The following SORBS2 variants were observed in gnomAD, a reference collection of about 807,000 sequenced individuals.
SORBS2 encodes sorbin and SH3 domain-containing protein 2.
SORBS2 carries 46 observed loss-of-function variants against 97.7 expected under a neutral mutation model. The ratio of observed to expected loss-of-function variants is 0.47; its 90% confidence interval spans 0.37 to 0.60. The LOEUF (loss-of-function observed/expected upper bound fraction) is 0.60. Ranked by LOEUF, SORBS2 falls within the 20% of genes least tolerant of loss-of-function variation. The probability of loss-of-function intolerance (pLI) is 0.00; values close to 1 mark genes in which losing one functional copy is unlikely to be tolerated. For missense variants in SORBS2, 1,316 were observed against 1,282.3 expected (o/e 1.03, Z -0.40); for synonymous variants, 476 against 473.4 (o/e 1.01, Z -0.07).
chr4:185,849,839 T>G (rs1327069602), intron 1 of SORBS2, among the ~76,000 whole-genome samples: 1 of 152,170 alleles, frequency 6.6e-6, no homozygotes, highest in Non-Finnish European at 1.5e-5. Context: ...CCACTTAATT[T>G]CTATTGAGTC....
chr4:185,905,948 C>T (rs1392315694), intron 1 of SORBS2, among the ~76,000 whole-genome samples: 1 of 152,220 alleles, frequency 6.6e-6, no homozygotes, highest in Non-Finnish European at 1.5e-5. Context: ...CCCTCTGCCT[C>T]CTTCTCATAC....
chr4:185,937,417 C>A (rs2099269469), intron 1 of SORBS2, among the ~76,000 whole-genome samples: 1 of 152,160 alleles, frequency 6.6e-6, no homozygotes, highest in Non-Finnish European at 1.5e-5. Context: ...AGCCATGTAT[C>A]TGAATCCAAG....
At chr4:185,731,864 C>CCA (rs2098639731) in intron 2 of SORBS2, among the ~76,000 whole-genome samples, 1 of 29,006 alleles carries the variant, frequency 3.4e-5, no homozygotes, top group East Asian at 1.1e-3. Flanking sequence ...CTCTCTCTCT[C>CCA]TCTATATATA....
In SORBS2 at chr4:185,792,164, A is replaced by G. The variant is rs919011881; in HGVS notation, c.-337-16798T>C. ...TTTCCTTTGGCCCCATTCTAGATACATCTCCTTATTTTGAAATTTTCATAA... is the reference window on the plus strand; with the variant it reads ...TTTCCTTTGGCCCCATTCTAGATACGTCTCCTTATTTTGAAATTTTCATAA... On this transcript the variant is annotated intron_variant, in intron 1 of 20. Transcript: ENST00000284776. 3.3e-5 allele frequency among the ~76,000 whole-genome samples: 5 copies of G among 152,180 alleles called. No individual in the cohort carries two copies. The East Asian group carries it at 5.8e-4, about 18-fold the overall frequency.
chr4:185,928,825 C>T (rs901371274), intron 1 of SORBS2, among the ~76,000 whole-genome samples: 3 of 152,166 alleles, frequency 2.0e-5, no homozygotes, highest in African/African-American at 7.2e-5. Flanking sequence ...GGATTCCAGG[C>T]GTGAGCCACC....
chr4:185,801,819 G>A (rs1024341225), intron 1 of SORBS2, among the ~76,000 whole-genome samples: 3 of 152,100 alleles, frequency 2.0e-5, no homozygotes. Context: ...CCACTGACTC[G>A]TAACAGGTAA....
intron 2 of SORBS2, among the ~76,000 whole-genome samples, chr4:185,723,854 T>G (rs1055933203): frequency 1.3e-5 from 2 of 152,172 alleles, no homozygotes; most frequent in East Asian, 1.9e-4. Flanking sequence ...GGAACCTCAG[T>G]ATATTAATCC....
At chr4:185,652,824 G>C in intron 1 of SORBS2, 96 bp from the exon 10 acceptor site, 1 of 917,474 alleles carries the variant, frequency 1.1e-6, no homozygotes, top group Non-Finnish European at 1.8e-6. Context: ...CTTAATAACA[G>C]AGTCCCATTC....
intron 2 of SORBS2, among the ~76,000 whole-genome samples, chr4:185,686,486 A>G (rs2153512649): frequency 6.6e-6 from 1 of 152,372 alleles, no homozygotes; most frequent in East Asian, 1.9e-4. Flanking sequence ...ACCCAAAGAA[A>G]GTGACACAAA....
chr4:185,765,670 T>C (rs926820245), intron 2 of SORBS2, among the ~76,000 whole-genome samples: 9 of 152,192 alleles, frequency 5.9e-5, no homozygotes, highest in African/African-American at 2.2e-4. Flanking sequence ...AATTTCCAAA[T>C]ATGAAATACA....
intron 2 of SORBS2, among the ~76,000 whole-genome samples, chr4:185,754,363 G>A (rs937400827): frequency 2.6e-5 from 4 of 151,956 alleles, no homozygotes; most frequent in African/African-American, 7.3e-5. Flanking sequence ...TTATTACCTG[G>A]GTCATGAAAT....
intron 1 of SORBS2, among the ~76,000 whole-genome samples, chr4:185,874,383 C>A (rs1241218833): frequency 6.6e-6 from 1 of 152,124 alleles, no homozygotes; most frequent in Non-Finnish European, 1.5e-5. Flanking sequence ...TACAGAGAAT[C>A]TGTTCATTGG....
intron 1 of SORBS2, among the ~76,000 whole-genome samples, chr4:185,800,967 C>T (rs1056940329): frequency 1.3e-5 from 2 of 152,184 alleles, no homozygotes; most frequent in African/African-American, 2.4e-5. Context: ...TTATTCACTA[C>T]AGTCACCACG....
intron 1 of SORBS2, among the ~76,000 whole-genome samples, chr4:185,798,665 C>T (rs80201158): frequency 0.014 from 2,206 of 152,204 alleles, 48 homozygotes; most frequent in African/African-American, 0.051. Context: ...AAAAGCGTCT[C>T]GAAAGCTAGT....
intron 2 of SORBS2, among the ~76,000 whole-genome samples, chr4:185,728,858 T>C (rs1383178197): frequency 6.6e-6 from 1 of 152,238 alleles, no homozygotes; most frequent in Non-Finnish European, 1.5e-5. Context: ...GCAGAGATGA[T>C]GGCCTTGCTG....
intron 1 of SORBS2, among the ~76,000 whole-genome samples, chr4:185,819,966 A>G (rs1406365339): frequency 6.6e-6 from 1 of 152,188 alleles, no homozygotes; most frequent in African/African-American, 2.4e-5. Context: ...CCTCATAAGA[A>G]AGGATGATAA....
chr4:185,822,309 T>A (rs2099197238), intron 1 of SORBS2, among the ~76,000 whole-genome samples: 1 of 152,202 alleles, frequency 6.6e-6, no homozygotes, highest in African/African-American at 2.4e-5. Flanking sequence ...CCACATGCCG[T>A]TCCAACAGGC....
chr4:185,647,113 C>T (rs528273548), intron 3 of SORBS2, among the ~76,000 whole-genome samples: 2 of 152,238 alleles, frequency 1.3e-5, no homozygotes, highest in South Asian at 4.2e-4. Context: ...TCCAAAGTGA[C>T]AAGGAGTAAT....
chr4:185,628,353 G>A (rs545103255), intron 5 of SORBS2, among the ~76,000 whole-genome samples: 2 of 151,510 alleles, frequency 1.3e-5, no homozygotes, highest in Admixed American at 6.6e-5. Flanking sequence ...GACATCAAGA[G>A]AGGAAAATCT....
Sources: gnomAD v4.1 joint callset for allele counts (sites outside exome capture counted in the v4.1 genomes callset) on GRCh38, gnomAD v4.1.1 for gene constraint, MANE v1.5 for transcripts, NCBI Gene and HGNC (gene_info 2026-07-23, HGNC 2026-07-21) for gene names.